Variants in BAG4 observed in about 807,000 individuals in gnomAD.
BAG4 encodes the protein BAG cochaperone 4.
BAG4 carries 28 observed loss-of-function variants against 52.1 expected under a neutral mutation model. That is an observed-to-expected ratio of 0.54 (90% confidence interval 0.40 to 0.74). The LOEUF (loss-of-function observed/expected upper bound fraction) is 0.74, where lower values mean the gene tolerates loss of function less well. BAG4 is among the 30% of genes least tolerant of loss of function. The pLI is 0.00. For missense variants in BAG4, 525 were observed against 572.0 expected (o/e 0.92, Z 0.84); for synonymous variants, 208 against 217.0 (o/e 0.96, Z 0.37).
At chr8:38,205,538 G>C (rs2130689398) in intron 2 of BAG4, among the ~76,000 whole-genome samples, 1 of 152,208 alleles carries the variant, frequency 6.6e-6, no homozygotes, top group East Asian at 1.9e-4. Flanking sequence ...AGGATTTCTA[G>C]AAGTTGAATA....
intron 2 of BAG4, chr8:38,201,849 TATATATATATATATATA>T (rs1803668633): frequency 7.9e-4 from 5 of 6,366 alleles, no homozygotes; most frequent in Non-Finnish European, 1.9e-3. Flanking sequence ...TATATATATA[TATATATATATATATATA>T]TATATATATA....
chr8:38,209,429 T>C, intron 4 of BAG4, 162 bp downstream of exon 4: 1 of 856,196 alleles, frequency 1.2e-6, no homozygotes, highest in South Asian at 2.1e-5. Flanking sequence ...CTTTTTCTTT[T>C]TTTTAATAGA....
chr8:38,180,517 C>A (rs575385232), intron 1 of BAG4, among the ~76,000 whole-genome samples: 1 of 72,552 alleles, frequency 1.4e-5, no homozygotes, highest in Non-Finnish European at 2.8e-5. Flanking sequence ...AGCGAGACTC[C>A]GTCTCAAAAA....
At position 38,181,193 on chromosome 8, in the gene BAG4, G is replaced by A. The variant is rs143763247; in HGVS notation, c.270+4054G>A. Among the ~76,000 whole-genome samples, 539 of 151,138 alleles carry A rather than the reference G, an allele frequency of 3.6e-3. 6 individuals are homozygous for A. The highest frequency in any genetic ancestry group is 0.012 in the African/African-American group (507 of 41,178). On this transcript the variant is annotated intron_variant, in intron 1 of 4. Coordinates refer to ENST00000287322, the MANE Select transcript of BAG4 (RefSeq NM_004874.4). ...CCTGACCTCGTGATCCGCCCGCCTT[G>A]GCTGGGATTACAGGCGTGAGCCACC...
chr8:38,188,960 ATT>A (rs200005875), intron 1 of BAG4, among the ~76,000 whole-genome samples: 37 of 132,652 alleles, frequency 2.8e-4, no homozygotes, highest in Non-Finnish European at 3.4e-4. Context: ...TGCCCGGCTA[ATT>A]TTTTTTTTTT....
intron 2 of BAG4, among the ~76,000 whole-genome samples, chr8:38,198,697 C>G (rs960953444): frequency 7.9e-5 from 12 of 151,874 alleles, no homozygotes; most frequent in Non-Finnish European, 1.5e-4. Flanking sequence ...CCGTGTTAGC[C>G]AGGATGGTCT....
intron 2 of BAG4, among the ~76,000 whole-genome samples, chr8:38,201,306 T>C (rs1803658590): frequency 6.6e-6 from 1 of 152,182 alleles, no homozygotes; most frequent in Non-Finnish European, 1.5e-5. Flanking sequence ...ACATTTATCA[T>C]CATCTTTTTT....
At chr8:38,205,345 G>T (rs7822485) in intron 2 of BAG4, among the ~76,000 whole-genome samples, 1 of 150,048 alleles carries the variant, frequency 6.7e-6, no homozygotes. Context: ...GAGTCTGTGC[G>T]CCTAGCCATA....
chr8:38,176,961 A>C lies in BAG4; in HGVS notation c.92A>C (p.His31Pro), dbSNP rs1315299224. 6.4e-7 allele frequency: 1 copy of C among 1,567,452 alleles called. No individual in the cohort carries two copies. The highest frequency in any genetic ancestry group is 8.6e-7 in the Non-Finnish European group (1 of 1,156,534). The change falls in exon 1 of 5, where the codon CAC (histidine) becomes CCC (proline). Residue 31 changes from histidine to proline, a missense_variant. By Grantham distance (77) the His-to-Pro change is moderately conservative (BLOSUM62 -2). This residue lies in a region of BAG4 where 287 missense variants were observed against 266.1 expected (regional missense o/e 1.08). Coordinates refer to ENST00000287322, the MANE Select transcript of BAG4 (RefSeq NM_004874.4). ...CCTGGGGGTGGAGATGTGCCGGTAC[A>C]CCCACCTCCACCCTTATATCCTCTT... ...YGPGGGDVPV[H>P]PPPPLYPLRP...
chr8:38,181,004 G>C (rs1031809999), intron 1 of BAG4, among the ~76,000 whole-genome samples: 1 of 147,518 alleles, frequency 6.8e-6, no homozygotes, highest in Non-Finnish European at 1.5e-5. Context: ...GCGGTGGCCT[G>C]ATCTCGGCTC....
chr8:38,199,814 C>T (rs961895408), intron 2 of BAG4, among the ~76,000 whole-genome samples: 3 of 151,884 alleles, frequency 2.0e-5, no homozygotes, highest in African/African-American at 4.8e-5. Flanking sequence ...TGAGCCACTG[C>T]GCCCAGCCCG....
intron 4 of BAG4, 168 bp downstream of exon 4, chr8:38,209,435 A>G (rs963412738): frequency 1.3e-6 from 1 of 778,430 alleles, no homozygotes; most frequent in Non-Finnish European, 1.9e-6. Flanking sequence ...CTTTTTTTTA[A>G]TAGACTTTAT....
At chr8:38,198,326 A>G (rs1305258635) in intron 2 of BAG4, among the ~76,000 whole-genome samples, 13 of 148,044 alleles carry the variant, frequency 8.8e-5, no homozygotes, top group Admixed American at 4.0e-4. Context: ...GGAGCTTGCA[A>G]TGAACCGAGA....
chr8:38,198,310 G>C (rs1803599071), intron 2 of BAG4, among the ~76,000 whole-genome samples: 2 of 149,250 alleles, frequency 1.3e-5, no homozygotes, highest in South Asian at 4.4e-4. Flanking sequence ...TGTGAATCCG[G>C]GAGGCGGAGC....
intron 2 of BAG4, among the ~76,000 whole-genome samples, chr8:38,194,034 G>T (rs909539850): frequency 6.6e-6 from 1 of 152,110 alleles, no homozygotes; most frequent in African/African-American, 2.4e-5. Flanking sequence ...ACCACGCCCG[G>T]CCAGTTTTTG....
chr8:38,209,973 C>T (rs748008351), intron 4 of BAG4, 35 bp from the exon 5 acceptor site: 1 of 1,595,994 alleles, frequency 6.3e-7, no homozygotes, highest in African/African-American at 1.3e-5. Context: ...CCCATTAAAA[C>T]AGCTCTTTTC....
chr8:38,205,348 T>C (rs989777943), intron 2 of BAG4, among the ~76,000 whole-genome samples: 2 of 151,168 alleles, frequency 1.3e-5, no homozygotes, highest in African/African-American at 2.4e-5. Flanking sequence ...TCTGTGCGCC[T>C]AGCCATAACA....
At chr8:38,178,356 T>G (rs1803205732) in intron 1 of BAG4, among the ~76,000 whole-genome samples, 1 of 152,216 alleles carries the variant, frequency 6.6e-6, no homozygotes, top group Admixed American at 6.5e-5. Context: ...GGTTTCGCCA[T>G]GTTGGCCAGG....
chr8:38,186,208 A>G (rs1008514355), intron 1 of BAG4, among the ~76,000 whole-genome samples: 2 of 152,160 alleles, frequency 1.3e-5, no homozygotes, highest in Non-Finnish European at 2.9e-5. Context: ...GACCTTGGGC[A>G]AGGCACTGCT....
Sources: allele counts gnomAD v4.1 joint callset (sites outside exome capture counted in the v4.1 genomes callset), GRCh38; gene constraint gnomAD v4.1.1; regional missense constraint gnomAD v4.1.1; transcripts MANE v1.5; gene names NCBI Gene and HGNC (gene_info 2026-07-23, HGNC 2026-07-21).